EYS: variants seen among roughly 807,000 people sequenced by gnomAD.
The protein encoded by EYS is EGF-like photoreceptor maintenance factor, also known as protein eyes shut homolog.
In EYS, 250 loss-of-function variants were observed where a neutral mutation model predicts 282.1. That is an observed-to-expected ratio of 0.89 (90% CI 0.80 to 0.98). EYS has a LOEUF of 0.98. EYS is among the 50% of genes least tolerant of loss of function. The pLI is 0.00. For missense variants in EYS, 4,016 were observed against 3,709.0 expected (o/e 1.08, Z -2.15); for synonymous variants, 1,355 against 1,282.9 (o/e 1.06, Z -1.20).
At chr6:65,337,069 T>G (rs559539756) in intron 10 of EYS, among the ~76,000 whole-genome samples, 53 of 151,608 alleles carry the variant, frequency 3.5e-4, no homozygotes, top group East Asian at 1.9e-3. Context: ...ATTAGGAATT[T>G]GGTTTCATGG....
chr6:63,896,261 T>C (rs971643334), intron 35 of EYS, among the ~76,000 whole-genome samples: 1 of 152,232 alleles, frequency 6.6e-6, no homozygotes, highest in African/African-American at 2.4e-5. Context: ...TGTAAGCAGT[T>C]TCCTCATTAC....
intron 29 of EYS, among the ~76,000 whole-genome samples, chr6:64,322,214 C>A (rs566273678): frequency 3.7e-4 from 57 of 152,048 alleles, no homozygotes; most frequent in Middle Eastern, 3.4e-3. Context: ...TTTCCCCAAG[C>A]TGTCTGCTCA....
At chr6:64,713,433 AT>A (rs1432832999) in intron 22 of EYS, 1 of 152,098 alleles carries the variant, frequency 6.6e-6, no homozygotes, top group Non-Finnish European at 1.5e-5. Flanking sequence ...TTTAAATGTC[AT>A]TTTTAAAACA....
intron 22 of EYS, among the ~76,000 whole-genome samples, chr6:64,696,430 G>C (rs1051900476): frequency 6.6e-6 from 1 of 152,084 alleles, no homozygotes; most frequent in African/African-American, 2.4e-5. Flanking sequence ...TGAAACATCT[G>C]GAAAATCTAT....
At chr6:63,969,945 G>A (rs1383280332) in intron 35 of EYS, among the ~76,000 whole-genome samples, 2 of 152,154 alleles carry the variant, frequency 1.3e-5, no homozygotes, top group Admixed American at 6.5e-5. Context: ...GAACTTCACA[G>A]GCAACTGAGA....
chr6:64,076,737 C>A (rs188492709), intron 32 of EYS, among the ~76,000 whole-genome samples: 1 of 151,856 alleles, frequency 6.6e-6, no homozygotes, highest in Non-Finnish European at 1.5e-5. Context: ...TTATAATTTA[C>A]CCAGTCTTGG....
chr6:65,365,924 G>C (rs2150337696), intron 8 of EYS, among the ~76,000 whole-genome samples: 1 of 151,728 alleles, frequency 6.6e-6, no homozygotes, highest in East Asian at 1.9e-4. Context: ...GTTGACTTTT[G>C]AGTACAAGGT....
intron 12 of EYS, among the ~76,000 whole-genome samples, chr6:65,167,330 G>A (rs1251509198): frequency 6.6e-6 from 1 of 151,328 alleles, no homozygotes; most frequent in Admixed American, 6.6e-5. Context: ...TGAATGGATT[G>A]TGGATATAGG....
chr6:64,867,601 C>T (rs1252222471), intron 19 of EYS, among the ~76,000 whole-genome samples: 1 of 151,568 alleles, frequency 6.6e-6, no homozygotes, highest in Non-Finnish European at 1.5e-5. Context: ...ATCTTCTTAG[C>T]CTGTTTATCT....
At chr6:64,013,304 C>T (rs924230301) in intron 33 of EYS, among the ~76,000 whole-genome samples, 2 of 152,168 alleles carry the variant, frequency 1.3e-5, no homozygotes, top group Non-Finnish European at 2.9e-5. Flanking sequence ...AGCATATTCT[C>T]TAGATTTCAT....
At chr6:65,151,164 T>C (rs545112479) in intron 12 of EYS, among the ~76,000 whole-genome samples, 22 of 152,148 alleles carry the variant, frequency 1.4e-4, no homozygotes, top group African/African-American at 4.3e-4. Context: ...AAAAAAAATA[T>C]GGAAAACATT....
chr6:64,657,292 T>C (rs1437801825), intron 22 of EYS, among the ~76,000 whole-genome samples: 1 of 152,174 alleles, frequency 6.6e-6, no homozygotes, highest in African/African-American at 2.4e-5. Context: ...CACTGATGGG[T>C]CTTGACTTTT....
At position 63,984,609 on chromosome 6, in the gene EYS, GA is replaced by G; in HGVS notation, c.6835-7del. 1.3e-6 allele frequency: 2 copies of G among 1,532,522 alleles called. No individual in the cohort carries two copies. The highest frequency in any genetic ancestry group is 1.8e-6 in the Non-Finnish European group (2 of 1,131,344). The allele number at this position is 1,532,522 out of a possible 1,614,324, so 94.9% of individuals were successfully genotyped here. A position where few individuals can be genotyped will look rare whatever the true frequency, so the allele number is the denominator to read the frequency against. On this transcript the variant is annotated splice_region_variant and splice_polypyrimidine_tract_variant and intron_variant, in intron 34 of 42. Transcript: ENST00000503581. ...AACATTGATTCAAAATATGCCTGTA[GA>G]AAAAGTAACAACAAAAAATATTATA...
chr6:64,852,946 G>A (rs1482597723), intron 19 of EYS, among the ~76,000 whole-genome samples: 2 of 152,078 alleles, frequency 1.3e-5, no homozygotes, highest in African/African-American at 2.4e-5. Context: ...TCTGGTACAT[G>A]GTTACAACAG....
At chr6:63,756,957 T>C (rs1234909954) in intron 41 of EYS, among the ~76,000 whole-genome samples, 1 of 152,134 alleles carries the variant, frequency 6.6e-6, no homozygotes, top group East Asian at 1.9e-4. Flanking sequence ...TGTGTTAAAC[T>C]GTACAAATTG....
intron 37 of EYS, among the ~76,000 whole-genome samples, chr6:63,802,746 A>G (rs1770811132): frequency 6.6e-6 from 1 of 151,758 alleles, no homozygotes; most frequent in African/African-American, 2.4e-5. Flanking sequence ...GTGTCCATTT[A>G]AAGAAAAAGC....
At chr6:64,850,729 A>G (rs1408563640) in intron 19 of EYS, among the ~76,000 whole-genome samples, 1 of 152,108 alleles carries the variant, frequency 6.6e-6, no homozygotes, top group Non-Finnish European at 1.5e-5. Context: ...ATAGACATTA[A>G]TTGTGAGAAT....
At chr6:65,546,743 G>A (rs922649869) in intron 2 of EYS, among the ~76,000 whole-genome samples, 4 of 151,876 alleles carry the variant, frequency 2.6e-5, no homozygotes, top group African/African-American at 9.7e-5. Context: ...AGCTACTTTT[G>A]TATTTTTAGT....
intron 11 of EYS, among the ~76,000 whole-genome samples, chr6:65,317,825 C>CCTTCCTTCCTTT (rs1562092985): frequency 9.5e-4 from 77 of 81,164 alleles, no homozygotes; most frequent in South Asian, 1.4e-3. Flanking sequence ...TTCCTTCCTT[C>CCTTCCTTCCTTT]CTTTCTTTCT....
Sources: allele counts gnomAD v4.1 joint callset (sites outside exome capture counted in the v4.1 genomes callset), GRCh38; gene constraint gnomAD v4.1.1; transcripts MANE v1.5; gene names NCBI Gene and HGNC (gene_info 2026-07-23, HGNC 2026-07-21).